PDE10A: variants seen among roughly 807,000 people sequenced by gnomAD.
The protein encoded by PDE10A is phosphodiesterase 10A.
Under a neutral mutation model 97.7 loss-of-function variants are expected in PDE10A, and 39 were observed. The observed-to-expected ratio is 0.40, with a 90% CI of 0.31 to 0.52. PDE10A has a LOEUF of 0.52. Among genes scored for constraint, PDE10A ranks in the 20% least tolerant of loss-of-function variants. The pLI is 0.56. For synonymous variants in PDE10A, 371 were observed against 376.8 expected (o/e 0.98, Z 0.18); for missense variants, 731 against 1,047.8 (o/e 0.70, Z 4.17).
intron 4 of PDE10A, 35 bp downstream of exon 4, chr6:165,450,207 C>CA (rs57550533): frequency 1 from 1,483,140 of 1,483,208 alleles, 741,536 homozygotes; most frequent in Middle Eastern, 1. Context: ...AATCTTTGCC[C>CA]ATTTTTTCTA....
At chr6:165,929,788 C>G (rs1012534782) in intron 1 of PDE10A, among the ~76,000 whole-genome samples, 1 of 152,262 alleles carries the variant, frequency 6.6e-6, no homozygotes, top group Non-Finnish European at 1.5e-5. Context: ...TAGCACCGGG[C>G]TGGCTCAGAG....
intron 1 of PDE10A, among the ~76,000 whole-genome samples, chr6:165,941,496 C>A (rs1194425255): frequency 6.6e-6 from 1 of 152,162 alleles, no homozygotes; most frequent in African/African-American, 2.4e-5. Context: ...ACCCAAATCT[C>A]ATGTTGAATT....
rs1463619240 is a variant in PDE10A, at chr6:165,396,444, G to A, written c.2092C>T (p.Arg698Cys). ...ACCCGGTAAATGCACTCTGAGTGGC[G>A]AATTCTATGATACATCTAGAAGGCA... ...LHCANMYHRI[R>C]HSECIYRVTM... Residue 698 changes from arginine to cysteine, a missense_variant, in exon 14 of 22, where the codon CGC becomes TGC. This residue lies in a region of PDE10A where 131 missense variants were observed against 187.4 expected (regional missense o/e 0.70). Transcript: ENST00000539869. 6.8e-6 allele frequency: 11 copies of A among 1,609,600 alleles called. No individual in the cohort carries two copies. Among genetic ancestry groups the A allele is most frequent in the African/African-American group, 1.3e-5 (1 of 74,564 alleles).
chr6:165,761,447 CG>C (rs78113479), intron 1 of PDE10A, among the ~76,000 whole-genome samples: 21,345 of 152,112 alleles, frequency 0.14, 2,306 homozygotes, highest in African/African-American at 0.3. Context: ...CCCCTCCATG[CG>C]GGTCACCCAC....
chr6:165,632,877 C>A (rs1302214753), intron 1 of PDE10A, among the ~76,000 whole-genome samples: 4 of 152,068 alleles, frequency 2.6e-5, no homozygotes, highest in Non-Finnish European at 4.4e-5. Flanking sequence ...GAGCTGTATA[C>A]CCAAGAATTA....
chr6:165,483,408 G>C (rs368572114), intron 2 of PDE10A, among the ~76,000 whole-genome samples: 3 of 152,016 alleles, frequency 2.0e-5, no homozygotes, highest in Non-Finnish European at 4.4e-5. Flanking sequence ...GTTAGAGTAC[G>C]GCCTCTGACT....
At chr6:165,858,087 G>T (rs1780799213) in intron 1 of PDE10A, among the ~76,000 whole-genome samples, 1 of 152,132 alleles carries the variant, frequency 6.6e-6, no homozygotes, top group African/African-American at 2.4e-5. Flanking sequence ...ACTTCCATGA[G>T]TACTGTTGTT....
At chr6:165,725,716 C>T (rs993759224) in intron 1 of PDE10A, among the ~76,000 whole-genome samples, 6 of 152,152 alleles carry the variant, frequency 3.9e-5, no homozygotes, top group East Asian at 1.9e-4. Flanking sequence ...CTTATTCCTC[C>T]GTAGCAATCT....
At chr6:165,684,930 G>T (rs1562683438) in intron 1 of PDE10A, among the ~76,000 whole-genome samples, 1 of 152,206 alleles carries the variant, frequency 6.6e-6, no homozygotes, top group Non-Finnish European at 1.5e-5. Context: ...ACAGTGAGAC[G>T]TCGACTTGAC....
chr6:165,879,248 A>G (rs1429752931), intron 1 of PDE10A, among the ~76,000 whole-genome samples: 1 of 152,222 alleles, frequency 6.6e-6, no homozygotes, highest in Non-Finnish European at 1.5e-5. Flanking sequence ...CCACCAATGT[A>G]TTACTTGAAT....
At chr6:165,946,705 C>T (rs1044294469) in intron 1 of PDE10A, 1 of 151,990 alleles carries the variant, frequency 6.6e-6, no homozygotes, top group African/African-American at 2.4e-5. Flanking sequence ...AACTACCTGG[C>T]TATTTAAAAA....
At chr6:165,455,086 C>T (rs749365934) in intron 3 of PDE10A, among the ~76,000 whole-genome samples, 1 of 152,056 alleles carries the variant, frequency 6.6e-6, no homozygotes, top group Non-Finnish European at 1.5e-5. Context: ...CGGGGGCAGG[C>T]AGAATTACTA....
At chr6:165,904,445 C>T (rs1044457641) in intron 1 of PDE10A, among the ~76,000 whole-genome samples, 3 of 152,170 alleles carry the variant, frequency 2.0e-5, no homozygotes, top group African/African-American at 7.2e-5. Flanking sequence ...ACTTAAGAAT[C>T]AACCCATACA....
At chr6:165,596,072 A>G (rs893869686) in intron 1 of PDE10A, among the ~76,000 whole-genome samples, 1 of 152,212 alleles carries the variant, frequency 6.6e-6, no homozygotes, top group African/African-American at 2.4e-5. Context: ...CAAAGGAGAA[A>G]CGATACCTTT....
chr6:165,387,823 A>T (rs1785411848), intron 17 of PDE10A, among the ~76,000 whole-genome samples: 1 of 152,258 alleles, frequency 6.6e-6, no homozygotes, highest in South Asian at 2.1e-4. Context: ...CCCATGTTGA[A>T]GTGATGTCTG....
chr6:165,537,840 T>A (rs1177667944), intron 2 of PDE10A, among the ~76,000 whole-genome samples: 1 of 151,732 alleles, frequency 6.6e-6, no homozygotes, highest in East Asian at 1.9e-4. Context: ...GACAAAAAAA[T>A]TGAAGGAAAA....
Position 165,388,987 on chromosome 6 carries a change from C to A in PDE10A, c.2455-534G>T, listed in dbSNP as rs946541666. On this transcript the variant is annotated intron_variant, in intron 16 of 21. Transcript: ENST00000539869. This position sits in a 1 kb window ranked among gnomAD's most constrained non-coding sequence, Gnocchi z 4.0. ...CTGAGTATGAAATAAACTAGGCAGG[C>A]ACACCTCATGAAAAGGCCAGGTGTG... Among the ~76,000 whole-genome samples the A allele has an allele frequency of 4.3e-4, 66 of 152,098 alleles. No individual in the cohort carries two copies. The highest frequency in any genetic ancestry group is 1.5e-3 in the African/African-American group (64 of 41,426).
intron 1 of PDE10A, among the ~76,000 whole-genome samples, chr6:165,972,327 C>T (rs921134662): frequency 2.6e-5 from 4 of 151,850 alleles, no homozygotes; most frequent in African/African-American, 4.8e-5. Flanking sequence ...GGATTCTGCC[C>T]CTGGGTCCTC....
chr6:165,964,049 A>T (rs1784435991), intron 1 of PDE10A, among the ~76,000 whole-genome samples: 1 of 152,208 alleles, frequency 6.6e-6, no homozygotes, highest in African/African-American at 2.4e-5. Context: ...AAACGTACAG[A>T]TGTAAAGGTT....
Sources: gnomAD v4.1 joint callset for allele counts (sites outside exome capture counted in the v4.1 genomes callset) on GRCh38, gnomAD v4.1.1 for gene constraint, gnomAD v4.1.1 regional missense constraint, Gnocchi (gnomAD v3.1) non-coding constraint, MANE v1.5 for transcripts, NCBI Gene and HGNC (gene_info 2026-07-23, HGNC 2026-07-21) for gene names.